The following TLL1 variants were observed in gnomAD, a reference collection of about 807,000 sequenced individuals.
The protein encoded by TLL1 is tolloid-like protein 1.
Under a neutral mutation model 128.2 loss-of-function variants are expected in TLL1, and 49 were observed. The observed-to-expected ratio is 0.38, with a 90% CI of 0.30 to 0.48. TLL1 has a LOEUF of 0.48. Ranked by LOEUF, TLL1 falls within the 20% of genes least tolerant of loss-of-function variation. The pLI is 0.96. For synonymous variants in TLL1, 454 were observed against 418.8 expected (o/e 1.08, Z -1.03); for missense variants, 1,123 against 1,242.0 (o/e 0.90, Z 1.44).
intron 1 of TLL1, among the ~76,000 whole-genome samples, chr4:165,916,112 G>A (rs1339557407): frequency 6.6e-6 from 1 of 152,116 alleles, no homozygotes; most frequent in Non-Finnish European, 1.5e-5. Context: ...ATAGAGAGCT[G>A]GAAGGGATCT....
chr4:165,933,501 C>A (rs1025839977), intron 1 of TLL1, among the ~76,000 whole-genome samples: 22 of 152,244 alleles, frequency 1.4e-4, no homozygotes, highest in African/African-American at 5.1e-4. Context: ...ATCCTGGCAG[C>A]CTGTCCATCA....
intron 16 of TLL1, among the ~76,000 whole-genome samples, chr4:166,072,922 C>T (rs571861642): frequency 6.6e-6 from 1 of 150,432 alleles, no homozygotes; most frequent in East Asian, 1.9e-4. Flanking sequence ...TTTCTCTAAG[C>T]TGCTTTGCAT....
chr4:166,032,589 G>T (rs988782055), intron 9 of TLL1, among the ~76,000 whole-genome samples: 2 of 151,914 alleles, frequency 1.3e-5, no homozygotes, highest in Non-Finnish European at 2.9e-5. Context: ...TTGGGAAAAT[G>T]GATTTTCTCA....
chr4:165,891,615 C>G (rs1731407178), intron 1 of TLL1, among the ~76,000 whole-genome samples: 1 of 152,120 alleles, frequency 6.6e-6, no homozygotes, highest in South Asian at 2.1e-4. Context: ...CAACAATCAC[C>G]TTCACTCCAG....
At chr4:165,992,721 A>T (rs1010431359) in intron 2 of TLL1, 83 bp from the exon 3 acceptor site, 9 of 1,249,158 alleles carry the variant, frequency 7.2e-6, no homozygotes, top group Non-Finnish European at 1.1e-5. Flanking sequence ...ACCAAAGAGA[A>T]ATCATTGTTG....
chr4:166,060,225 T>C, intron 15 of TLL1, 37 bp downstream of exon 15: 1 of 1,607,884 alleles, frequency 6.2e-7, no homozygotes, highest in Non-Finnish European at 8.5e-7. Context: ...TAAATCATGT[T>C]TTGGAACTCC....
chr4:166,014,083 A>G (rs1268563613), intron 7 of TLL1, among the ~76,000 whole-genome samples: 4 of 151,920 alleles, frequency 2.6e-5, no homozygotes, highest in Non-Finnish European at 5.9e-5. Flanking sequence ...ATGAGGAATC[A>G]TTGTTTCACA....
chr4:165,924,032 G>A (rs973530666), intron 1 of TLL1, among the ~76,000 whole-genome samples: 1 of 152,078 alleles, frequency 6.6e-6, no homozygotes, highest in African/African-American at 2.4e-5. Flanking sequence ...TGTTGTGTGT[G>A]TCTTCTGACT....
At chr4:165,974,137 T>TTTTTTTC in intron 1 of TLL1, among the ~76,000 whole-genome samples, 1 of 101,912 alleles carries the variant, frequency 9.8e-6, no homozygotes, top group Admixed American at 9.4e-5. Context: ...CCTCATCTTT[T>TTTTTTTC]TTTTTTTTTT....
chr4:165,998,619 C>T (rs1736998796), intron 5 of TLL1, among the ~76,000 whole-genome samples: 1 of 151,704 alleles, frequency 6.6e-6, no homozygotes, highest in Admixed American at 6.6e-5. Context: ...TGGTGAAACC[C>T]CGTCTCTACT....
rs148779878 is a variant in TLL1 at position 166,018,217 on chromosome 4, T to C, written c.1042+3657T>C. On this transcript the variant is annotated intron_variant, in intron 8 of 20. Coordinates refer to ENST00000061240, the MANE Select transcript of TLL1 (RefSeq NM_012464.5). ...GGGAAAGGACTTCCTATTCAACAAA[T>C]GGTACTCGGATACTTGGCTAACCAT... 2.2e-4 allele frequency among the ~76,000 whole-genome samples: 33 copies of C among 152,238 alleles called. No homozygotes were observed. In the East Asian group the frequency reaches 3.7e-3, roughly 17 times the overall value.
rs375743170 is a variant in TLL1, at chr4:165,919,726, T to C, written c.169+45653T>C. 4.3e-5 allele frequency: 19 copies of C among 439,450 alleles called. 1 individual carries two copies. Among genetic ancestry groups the C allele is most frequent in the Admixed American group, 1.7e-4 (7 of 40,952 alleles). 27.2% of individuals were successfully genotyped at this position (439,450 alleles called of 1,614,324 possible). On this transcript the variant is annotated intron_variant, in intron 1 of 20. Transcript: ENST00000061240. ...ATTTCTTGCTGTGGCGGGATAATGT[T>C]GTAGTCTGAAATGGCATGTGGCCAG...
chr4:165,941,204 A>G (rs2110922946), intron 1 of TLL1, among the ~76,000 whole-genome samples: 1 of 152,166 alleles, frequency 6.6e-6, no homozygotes, highest in Middle Eastern at 3.4e-3. Context: ...TCTGAACACA[A>G]AGAACTTACT....
chr4:165,914,318 A>AT (rs551966563), intron 1 of TLL1, among the ~76,000 whole-genome samples: 2 of 152,002 alleles, frequency 1.3e-5, no homozygotes, highest in Non-Finnish European at 2.9e-5. Context: ...TACTCATGCT[A>AT]TTTTTTTCCC....
intron 1 of TLL1, among the ~76,000 whole-genome samples, chr4:165,939,330 A>G (rs1261194206): frequency 6.6e-6 from 1 of 152,124 alleles, no homozygotes; most frequent in African/African-American, 2.4e-5. Context: ...ACTAATGACT[A>G]TGCAGAATAC....
At chr4:166,047,131 G>T (rs756917969) in intron 12 of TLL1, among the ~76,000 whole-genome samples, 14 of 151,664 alleles carry the variant, frequency 9.2e-5, no homozygotes, top group Non-Finnish European at 2.1e-4. Flanking sequence ...TCTAGTCTTT[G>T]CCTTGTTTCA....
intron 5 of TLL1, among the ~76,000 whole-genome samples, chr4:165,997,655 C>T (rs189932341): frequency 1.3e-5 from 2 of 152,116 alleles, no homozygotes; most frequent in Non-Finnish European, 2.9e-5. Flanking sequence ...ATAGTCAGCT[C>T]TTATTCATTT....
chr4:166,052,951 A>C (rs1739814386), intron 12 of TLL1, among the ~76,000 whole-genome samples: 1 of 135,576 alleles, frequency 7.4e-6, no homozygotes, highest in Non-Finnish European at 1.6e-5. Flanking sequence ...AAAGACTGAG[A>C]TAAGAGGTTA....
chr4:165,966,278 T>G (rs529044111), intron 1 of TLL1, among the ~76,000 whole-genome samples: 1 of 151,512 alleles, frequency 6.6e-6, no homozygotes, highest in Non-Finnish European at 1.5e-5. Flanking sequence ...CACTAGACGA[T>G]TGGAAAGCTG....
Sources: gnomAD v4.1 joint callset for allele counts (sites outside exome capture counted in the v4.1 genomes callset) on GRCh38, gnomAD v4.1.1 for gene constraint, MANE v1.5 for transcripts, NCBI Gene and HGNC (gene_info 2026-07-23, HGNC 2026-07-21) for gene names.